Variants in CDH12 observed in about 807,000 individuals in gnomAD.
The protein encoded by CDH12 is cadherin 12.
In CDH12, 41 loss-of-function variants were observed where a neutral mutation model predicts 74.1. The observed-to-expected ratio is 0.55, with a 90% CI of 0.43 to 0.72. The LOEUF (loss-of-function observed/expected upper bound fraction) is 0.72. CDH12 is among the 30% of genes least tolerant of loss of function. The pLI is 0.00. For missense variants in CDH12, 945 were observed against 977.2 expected, an observed-to-expected ratio of 0.97 and a Z score of 0.44; for synonymous variants, 399 against 355.0, an observed-to-expected ratio of 1.12 and a Z score of -1.39.
intron 6 of CDH12, among the ~76,000 whole-genome samples, chr5:21,967,282 C>A (rs899167723): frequency 6.6e-6 from 1 of 152,192 alleles, no homozygotes; most frequent in African/African-American, 2.4e-5. Context: ...AACGTAGCAT[C>A]TTGCCTGCTT....
chr5:22,273,154 T>C (rs1292268766), intron 3 of CDH12, among the ~76,000 whole-genome samples: 1 of 151,942 alleles, frequency 6.6e-6, no homozygotes, highest in African/African-American at 2.4e-5. Flanking sequence ...GGACACAGAG[T>C]CAGACCATAA....
At chr5:22,240,109 G>C (rs1340094336) in intron 3 of CDH12, among the ~76,000 whole-genome samples, 1 of 152,100 alleles carries the variant, frequency 6.6e-6, no homozygotes, top group Non-Finnish European at 1.5e-5. Context: ...TAGAAATTCA[G>C]ACATCATTTT....
intron 5 of CDH12, among the ~76,000 whole-genome samples, chr5:22,035,746 A>G (rs1334059198): frequency 7.0e-6 from 1 of 142,280 alleles, no homozygotes; most frequent in East Asian, 2.0e-4. Flanking sequence ...ACACACACAC[A>G]CACACTCCCC....
chr5:22,236,147 C>A (rs917983526), intron 3 of CDH12, among the ~76,000 whole-genome samples: 1 of 152,112 alleles, frequency 6.6e-6, no homozygotes, highest in African/African-American at 2.4e-5. Context: ...GTGTGAGCAG[C>A]GAATGAATAT....
intron 3 of CDH12, among the ~76,000 whole-genome samples, chr5:22,293,378 A>C (rs1237276938): frequency 6.6e-6 from 1 of 152,130 alleles, no homozygotes; most frequent in Non-Finnish European, 1.5e-5. Context: ...TTGAGTGCTC[A>C]TTTTCTTTGA....
At position 22,230,468 on chromosome 5, in the gene CDH12, T is replaced by C. The variant is rs537725957; in HGVS notation, c.-332-17825A>G. 2.6e-5 allele frequency among the ~76,000 whole-genome samples: 3 copies of C among 117,274 alleles called. 1 individual carries two copies. The South Asian group carries it at 9.9e-4, about 39-fold the overall frequency. The allele number at this position is 117,274 out of a possible 152,430, so 76.9% of individuals were successfully genotyped here. ...CAATTTATTGTCAAAAAAAGAGATG[T>C]CATAATTTTTTTTTTTTTTTTTTGA... On this transcript the variant is annotated intron_variant, in intron 3 of 14. Coordinates refer to ENST00000382254, the MANE Select transcript of CDH12 (RefSeq NM_004061.5).
At chr5:22,548,416 G>C (rs563231895) in intron 1 of CDH12, among the ~76,000 whole-genome samples, 1 of 152,024 alleles carries the variant, frequency 6.6e-6, no homozygotes, top group Non-Finnish European at 1.5e-5. Flanking sequence ...GTATTTATAC[G>C]TACCTAGAAA....
intron 3 of CDH12, among the ~76,000 whole-genome samples, chr5:22,395,068 G>A (rs1249298093): frequency 6.6e-6 from 1 of 152,088 alleles, no homozygotes; most frequent in Non-Finnish European, 1.5e-5. Context: ...TAACTTATCT[G>A]GGAAAAGAAT....
At chr5:22,286,381 A>G (rs1477634605) in intron 3 of CDH12, among the ~76,000 whole-genome samples, 1 of 152,208 alleles carries the variant, frequency 6.6e-6, no homozygotes, top group Non-Finnish European at 1.5e-5. Context: ...GTTGGCACCT[A>G]AAGTAGATGG....
chr5:22,807,999 T>G (rs1748907058), intron 1 of CDH12, among the ~76,000 whole-genome samples: 1 of 152,210 alleles, frequency 6.6e-6, no homozygotes, highest in Admixed American at 6.5e-5. Context: ...ATCACTGGAT[T>G]ATAGGATTTT....
intron 1 of CDH12, among the ~76,000 whole-genome samples, chr5:22,600,718 C>A (rs993831891): frequency 6.6e-6 from 1 of 151,714 alleles, no homozygotes; most frequent in African/African-American, 2.4e-5. Flanking sequence ...TATAGTTTAT[C>A]TTTTTTTCAC....
At chr5:22,228,291 C>G (rs760275087) in intron 3 of CDH12, among the ~76,000 whole-genome samples, 9 of 151,898 alleles carry the variant, frequency 5.9e-5, no homozygotes, top group African/African-American at 2.2e-4. Context: ...AAGACATTGG[C>G]CAAATATAAC....
chr5:21,896,400 G>A (rs866904747), intron 6 of CDH12, among the ~76,000 whole-genome samples: 15 of 152,266 alleles, frequency 9.9e-5, no homozygotes, highest in African/African-American at 3.1e-4. Context: ...TCTAAAAGAT[G>A]GCATCCTCTT....
At chr5:22,317,364 T>C (rs1274115034) in intron 3 of CDH12, among the ~76,000 whole-genome samples, 1 of 152,030 alleles carries the variant, frequency 6.6e-6, no homozygotes, top group African/African-American at 2.4e-5. Flanking sequence ...ATTACAGATA[T>C]TATTTGTACC....
In CDH12 at chr5:21,833,246, TATA is replaced by T. The variant is rs1169580125; in HGVS notation, c.814+8912_814+8914del. 8.3e-4 allele frequency among the ~76,000 whole-genome samples: 40 copies of T among 48,074 alleles called. 11 individuals are homozygous for T. Among genetic ancestry groups the T allele is most frequent in the African/African-American group, 4.4e-3 (23 of 5,260 alleles). 31.5% of individuals were successfully genotyped at this position (48,074 alleles called of 152,430 possible). ...ATGTTATATAACATATAATATATATTATATATTATATAACATATAATATATATT... is the reference window on the plus strand; with the variant it reads ...ATGTTATATAACATATAATATATATTTATTATATAACATATAATATATATT... On this transcript the variant is annotated intron_variant, in intron 8 of 14. Transcript: ENST00000382254.
At chr5:21,769,532 T>C (rs1341397809) in intron 11 of CDH12, among the ~76,000 whole-genome samples, 2 of 152,142 alleles carry the variant, frequency 1.3e-5, no homozygotes, top group African/African-American at 4.8e-5. Context: ...ATCTCACTTC[T>C]TGACCAAAGA....
At chr5:21,885,986 T>C (rs74593407) in intron 6 of CDH12, among the ~76,000 whole-genome samples, 5 of 152,148 alleles carry the variant, frequency 3.3e-5, no homozygotes, top group African/African-American at 1.2e-4. Flanking sequence ...GTATATTGTA[T>C]GTGAACTTCC....
chr5:22,165,669 T>A (rs1748642887), intron 4 of CDH12, among the ~76,000 whole-genome samples: 1 of 152,092 alleles, frequency 6.6e-6, no homozygotes, highest in South Asian at 2.1e-4. Context: ...CGGGGCTGCA[T>A]CCCCAGATAG....
chr5:22,283,385 T>G (rs2150408605), intron 3 of CDH12, among the ~76,000 whole-genome samples: 1 of 150,662 alleles, frequency 6.6e-6, no homozygotes, highest in Non-Finnish European at 1.5e-5. Flanking sequence ...AGTGAAAAAA[T>G]ATTATATATG....
Sources: allele counts gnomAD v4.1 joint callset (sites outside exome capture counted in the v4.1 genomes callset), GRCh38; gene constraint gnomAD v4.1.1; transcripts MANE v1.5; gene names NCBI Gene and HGNC (gene_info 2026-07-23, HGNC 2026-07-21).